ZNF341: variants seen among roughly 807,000 people sequenced by gnomAD.
The protein encoded by ZNF341 is zinc finger protein 341.
Under a neutral mutation model 87.7 loss-of-function variants are expected in ZNF341, and 52 were observed. That is an observed-to-expected ratio of 0.59 (90% confidence interval 0.47 to 0.75). ZNF341 has a LOEUF of 0.75. ZNF341 is among the 30% of genes least tolerant of loss of function. ZNF341 has a pLI of 0.00. For missense variants in ZNF341, 977 were observed against 1,145.9 expected, an observed-to-expected ratio of 0.85 and a Z score of 2.13; for synonymous variants, 459 against 472.7, an observed-to-expected ratio of 0.97 and a Z score of 0.38.
chr20:33,751,853 G>A (rs1359091829), intron 4 of ZNF341, among the ~76,000 whole-genome samples: 1 of 152,108 alleles, frequency 6.6e-6, no homozygotes, highest in African/African-American at 2.4e-5. Flanking sequence ...ACAGGTGTTA[G>A]CCGCTGCACC....
chr20:33,755,931 A>T (rs890798226), intron 5 of ZNF341, among the ~76,000 whole-genome samples: 1 of 151,998 alleles, frequency 6.6e-6, no homozygotes, highest in Non-Finnish European at 1.5e-5. Flanking sequence ...AGACCAATGG[A>T]TGATGAATAG....
At chr20:33,751,555 A>C (rs773839284) in intron 4 of ZNF341, among the ~76,000 whole-genome samples, 3 of 151,992 alleles carry the variant, frequency 2.0e-5, no homozygotes, top group Admixed American at 6.6e-5. Context: ...CTCCAAAGCC[A>C]GGGTTTTGTT....
chr20:33,757,112 G>T, intron 5 of ZNF341, 36 bp from the exon 6 acceptor site: 2 of 1,375,180 alleles, frequency 1.5e-6, no homozygotes, highest in Non-Finnish European at 1.9e-6. Flanking sequence ...CCCCTTCCCT[G>T]GCAGGGCTTT....
chr20:33,744,325 A>T (rs1485387553), intron 2 of ZNF341, among the ~76,000 whole-genome samples: 1 of 151,778 alleles, frequency 6.6e-6, no homozygotes, highest in Admixed American at 6.6e-5. Flanking sequence ...AAAGAAAAAG[A>T]AAAAAAGACT....
chr20:33,759,289 G>A (rs1262087555), intron 7 of ZNF341, among the ~76,000 whole-genome samples: 1 of 152,178 alleles, frequency 6.6e-6, no homozygotes, highest in Admixed American at 6.5e-5. Context: ...TGGTACATGA[G>A]ATGATTTTTT....
intron 10 of ZNF341, among the ~76,000 whole-genome samples, chr20:33,775,801 A>G (rs887587951): frequency 6.6e-6 from 1 of 151,862 alleles, no homozygotes; most frequent in Non-Finnish European, 1.5e-5. Context: ...CCTGGCTCAA[A>G]CAATCCATCC....
rs2122635246 is a variant in ZNF341 at position 33,740,978 on chromosome 20, G to C, written c.108G>C (p.Gln36His). Residue 36 changes from glutamine (Q) to histidine (H), a missense_variant, in exon 2 of 15, where the codon CAG (glutamine) becomes CAC (histidine). Coordinates refer to ENST00000375200, the MANE Select transcript of ZNF341 (RefSeq NM_001282933.2). ...GAGCAGTCCCTGATCCGACAGGCCA[G>C]AGTGTCAATGCGCCCCCTGCTATCC... is the stretch of plus-strand genomic sequence containing the variant. The part of the protein sequence containing the change: ...GQGAVPDPTG[Q>H]SVNAPPAIQP... 1.2e-6 allele frequency: 2 copies of C among 1,614,216 alleles called. No homozygotes were observed. Among genetic ancestry groups the C allele is most frequent in the East Asian group, 2.2e-5 (1 of 44,892 alleles).
In ZNF341 at chr20:33,788,427, AAAAT is replaced by A. The variant is rs1377043279; in HGVS notation, c.1853-424_1853-421del. On this transcript the variant is annotated intron_variant, in intron 12 of 14. Coordinates refer to ENST00000375200, the MANE Select transcript of ZNF341 (RefSeq NM_001282933.2). ...GACAGAGCAAGGCTCTGTCTCAAAA[AAAAT>A]AAATAAATAAAAGCCAAGTCCTTAG... 4 of 207,204 alleles carry A rather than the reference AAAAT, an allele frequency of 1.9e-5. No individual in the cohort carries two copies. The South Asian group carries it at 2.2e-4, about 12-fold the overall frequency. The allele number at this position is 207,204 out of a possible 1,614,324, so 12.8% of individuals were successfully genotyped here.
rs1472261280 is a variant in ZNF341 at position 33,791,204 on chromosome 20, C to T, written c.2252C>T (p.Ala751Val). The change falls in exon 15 of 15, where the codon GCA (alanine) becomes GTA (valine). Residue 751 changes from alanine to valine, a missense_variant. Physicochemically the swap from Ala to Val is moderately conservative, Grantham distance 64. Transcript: ENST00000375200. ...LQTRRPPQRR[A>V]APRSCGSGGR... is the part of the protein sequence containing the mutation. Reference sequence around the variant, plus strand: ...ACCCGGCGGCCCCCCCAGAGGAGGGCAGCCCCCCGCAGTTGCGGCAGTGGT... The same window carrying T: ...ACCCGGCGGCCCCCCCAGAGGAGGGTAGCCCCCCGCAGTTGCGGCAGTGGT... The T allele has an allele frequency of 1.4e-5, 22 of 1,612,476 alleles. No homozygotes were observed. The highest frequency in any genetic ancestry group is 3.3e-5 in the Admixed American group (2 of 59,992).
At chr20:33,735,480 A>G (rs1748614868) in intron 1 of ZNF341, among the ~76,000 whole-genome samples, 1 of 152,046 alleles carries the variant, frequency 6.6e-6, no homozygotes, top group Non-Finnish European at 1.5e-5. Flanking sequence ...CAGGACACCC[A>G]GCCAATTTTT....
At chr20:33,758,516 C>T (rs2019227501) in intron 6 of ZNF341, among the ~76,000 whole-genome samples, 200 bp from the exon 7 acceptor site, 1 of 152,136 alleles carries the variant, frequency 6.6e-6, no homozygotes, top group Non-Finnish European at 1.5e-5. Flanking sequence ...ATTCATCTTG[C>T]TTTCCCAGCT....
chr20:33,755,879 C>T (rs1405062028), intron 5 of ZNF341, among the ~76,000 whole-genome samples: 1 of 152,024 alleles, frequency 6.6e-6, no homozygotes, highest in Non-Finnish European at 1.5e-5. Context: ...CAGGCATGAG[C>T]CATCGTGCCT....
chr20:33,788,566 G>T (rs571872475), intron 12 of ZNF341: 1 of 430,560 alleles, frequency 2.3e-6, no homozygotes, highest in South Asian at 2.2e-5. Flanking sequence ...ACCGCCAAAC[G>T]CACTCCTGCC....
At chr20:33,760,012 A>T (rs1336132495) in intron 7 of ZNF341, among the ~76,000 whole-genome samples, 1 of 152,232 alleles carries the variant, frequency 6.6e-6, no homozygotes, top group Non-Finnish European at 1.5e-5. Context: ...ACAATCAAAA[A>T]TGCCAAATGT....
At chr20:33,766,073 C>T (rs538972083) in intron 8 of ZNF341, among the ~76,000 whole-genome samples, 4 of 151,798 alleles carry the variant, frequency 2.6e-5, no homozygotes, top group African/African-American at 4.8e-5. Flanking sequence ...TTGGTAGAGA[C>T]GGGGTTTCAC....
rs1236318723 is a variant in ZNF341 at position 33,748,948 on chromosome 20, C to T, written c.365C>T (p.Pro122Leu). 4 of 1,613,862 alleles carry T rather than the reference C, an allele frequency of 2.5e-6. No homozygotes were observed. The highest frequency in any genetic ancestry group is 2.2e-5 in the East Asian group (1 of 44,886). Residue 122 changes from proline (P) to leucine (L), a missense_variant, in exon 4 of 15, where the codon CCG becomes CTG. By Grantham distance (98) the Pro-to-Leu change is moderately conservative. Around this residue, in one of 3 missense-constraint regions of ZNF341, gnomAD observed 515 missense variants for 598.2 expected, o/e 0.86. Transcript: ENST00000375200. ...ATCTCCACATACATCACAGTGCCCC[C>T]GTCCCCACTGATCCAGACCCTGGTG... Reference protein sequence around the residue: ...RQISTYITVPPSPLIQTLVQG... With the variant: ...RQISTYITVPLSPLIQTLVQG...
rs150843496 is a variant in ZNF341, at chr20:33,791,087, G to A, written c.2135G>A (p.Arg712His). The change falls in exon 15 of 15, where the codon CGC becomes CAC. Residue 712 changes from arginine to histidine, a missense_variant. Coordinates refer to ENST00000375200, the MANE Select transcript of ZNF341 (RefSeq NM_001282933.2). ...GCCCACACGGGCAACTACAAGTTCC[G>A]CTGTGCTGGCTGCGCCAAGGGCTTT... is the stretch of plus-strand genomic sequence containing the variant. ...QRAHTGNYKF[R>H]CAGCAKGFSR... The A allele has an allele frequency of 3.5e-5, 56 of 1,613,024 alleles. No individual in the cohort carries two copies. Among genetic ancestry groups the A allele is most frequent in the Middle Eastern group, 1.6e-4 (1 of 6,082 alleles).
intron 1 of ZNF341, among the ~76,000 whole-genome samples, chr20:33,739,115 A>G (rs1039718801): frequency 6.6e-6 from 1 of 152,072 alleles, no homozygotes; most frequent in African/African-American, 2.4e-5. Context: ...GATTACAGGC[A>G]CCCACCACCA....
chr20:33,783,551 C>T (rs1049330906), intron 11 of ZNF341, among the ~76,000 whole-genome samples, 181 bp from the exon 12 acceptor site: 2 of 152,056 alleles, frequency 1.3e-5, no homozygotes, highest in Admixed American at 6.6e-5. Flanking sequence ...ATGTTTTGTC[C>T]GGGCTTGTGG....
Sources: allele counts gnomAD v4.1 joint callset (sites outside exome capture counted in the v4.1 genomes callset), GRCh38; gene constraint gnomAD v4.1.1; regional missense constraint gnomAD v4.1.1; transcripts MANE v1.5; gene names NCBI Gene and HGNC (gene_info 2026-07-23, HGNC 2026-07-21).